PTPRT: variants seen among roughly 807,000 people sequenced by gnomAD.
PTPRT encodes receptor-type tyrosine-protein phosphatase T.
In PTPRT, 56 loss-of-function variants were observed where a neutral mutation model predicts 176.8. The observed-to-expected ratio is 0.32, with a 90% CI of 0.26 to 0.40. PTPRT has a LOEUF of 0.40. Ranked by LOEUF, PTPRT falls within the 10% of genes least tolerant of loss-of-function variation. The pLI is 1.00. For synonymous variants in PTPRT, 783 were observed against 739.0 expected, an observed-to-expected ratio of 1.06 and a Z score of -0.96; for missense variants, 1,540 against 1,908.2, an observed-to-expected ratio of 0.81 and a Z score of 3.60.
chr20:43,180,113 G>T (rs867502985), intron 1 of PTPRT, among the ~76,000 whole-genome samples: 1 of 152,160 alleles, frequency 6.6e-6, no homozygotes, highest in Non-Finnish European at 1.5e-5. Context: ...AGAGAAGGGC[G>T]ATTCTGCTCT....
intron 1 of PTPRT, among the ~76,000 whole-genome samples, chr20:43,023,124 G>C (rs1275489317): frequency 1.3e-5 from 2 of 152,196 alleles, no homozygotes; most frequent in Admixed American, 1.3e-4. Flanking sequence ...CCAGAAGTAT[G>C]AATCTGTGCT....
At chr20:42,981,477 T>C (rs182155663) in intron 1 of PTPRT, among the ~76,000 whole-genome samples, 92 of 152,348 alleles carry the variant, frequency 6.0e-4, no homozygotes, top group African/African-American at 2.1e-3. Context: ...ACAAACATGC[T>C]GCAAGCAGAG....
chr20:42,989,194 A>T (rs1983758616), intron 1 of PTPRT, among the ~76,000 whole-genome samples: 1 of 152,142 alleles, frequency 6.6e-6, no homozygotes, highest in African/African-American at 2.4e-5. Context: ...CTGGGTTTGA[A>T]CTCTCAACTC....
chr20:43,171,722 T>C (rs186325344), intron 1 of PTPRT, among the ~76,000 whole-genome samples: 8 of 152,328 alleles, frequency 5.3e-5, no homozygotes, highest in African/African-American at 1.9e-4. Flanking sequence ...TTTTATTCAG[T>C]GGATCTGCTA....
intron 6 of PTPRT, chr20:42,687,572 T>A (rs1023049965): frequency 3.9e-5 from 6 of 152,304 alleles, no homozygotes; most frequent in Middle Eastern, 6.8e-3. Flanking sequence ...TCAGAAAGCA[T>A]GAATCAAGAG....
At chr20:42,340,591 A>C (rs1264150606) in intron 11 of PTPRT, among the ~76,000 whole-genome samples, 1 of 152,198 alleles carries the variant, frequency 6.6e-6, no homozygotes, top group African/African-American at 2.4e-5. Flanking sequence ...CATCGTGCAG[A>C]ATGCTTTTTG....
At chr20:42,114,285 T>C (rs1168158203) in intron 22 of PTPRT, among the ~76,000 whole-genome samples, 2 of 152,154 alleles carry the variant, frequency 1.3e-5, no homozygotes, top group African/African-American at 4.8e-5. Context: ...TCTTCATATG[T>C]AAAATGGGGA....
chr20:42,715,497 A>T (rs1055259955), intron 6 of PTPRT, among the ~76,000 whole-genome samples: 1 of 152,184 alleles, frequency 6.6e-6, no homozygotes, highest in African/African-American at 2.4e-5. Flanking sequence ...ATGACTAAAA[A>T]CTACCATATC....
intron 7 of PTPRT, among the ~76,000 whole-genome samples, chr20:42,636,518 G>C (rs2074604206): frequency 6.6e-6 from 1 of 152,058 alleles, no homozygotes; most frequent in Admixed American, 6.6e-5. Context: ...AGATGCAGTG[G>C]CTCACACCTG....
intron 9 of PTPRT, among the ~76,000 whole-genome samples, chr20:42,424,208 T>A (rs903491253): frequency 4.6e-5 from 7 of 152,198 alleles, no homozygotes; most frequent in Admixed American, 1.3e-4. Flanking sequence ...ACACTCAAGT[T>A]TTCCAAACCT....
At chr20:42,786,956 G>A (rs2077299899) in intron 3 of PTPRT, among the ~76,000 whole-genome samples, 1 of 152,142 alleles carries the variant, frequency 6.6e-6, no homozygotes, top group Non-Finnish European at 1.5e-5. Context: ...TTCAGCTATG[G>A]CCTGGAAGCC....
intron 1 of PTPRT, among the ~76,000 whole-genome samples, chr20:43,004,646 T>C (rs1392971388): frequency 6.6e-6 from 1 of 152,024 alleles, no homozygotes; most frequent in Non-Finnish European, 1.5e-5. Flanking sequence ...AATAGACAAA[T>C]AGGTATGAAG....
intron 6 of PTPRT, among the ~76,000 whole-genome samples, chr20:42,722,168 CT>C (rs2076314249): frequency 6.6e-6 from 1 of 152,112 alleles, no homozygotes; most frequent in Admixed American, 6.5e-5. Context: ...TATGAGTCAC[CT>C]GATGAACTTG....
At chr20:42,406,730 T>C (rs1271681713) in intron 9 of PTPRT, among the ~76,000 whole-genome samples, 1 of 152,040 alleles carries the variant, frequency 6.6e-6, no homozygotes, top group Non-Finnish European at 1.5e-5. Context: ...TAAATACAGA[T>C]GGAAAATGTT....
At chr20:42,409,449 T>C (rs2058991622) in intron 9 of PTPRT, among the ~76,000 whole-genome samples, 1 of 123,210 alleles carries the variant, frequency 8.1e-6, no homozygotes, top group Non-Finnish European at 1.6e-5. Flanking sequence ...GCCACTGTAC[T>C]CCAGCCTGGG....
intron 6 of PTPRT, among the ~76,000 whole-genome samples, chr20:42,741,397 T>G (rs1221917770): frequency 6.6e-6 from 1 of 152,144 alleles, no homozygotes; most frequent in Non-Finnish European, 1.5e-5. Context: ...CAGACTGGAG[T>G]GCAGTGGCGC....
chr20:42,509,908 CAT>C (rs1445287373), intron 7 of PTPRT, among the ~76,000 whole-genome samples: 1 of 152,076 alleles, frequency 6.6e-6, no homozygotes. Context: ...GACCTCTGAT[CAT>C]ATAGATAGGA....
chr20:42,838,056 C>T (rs532647009), intron 2 of PTPRT, among the ~76,000 whole-genome samples: 31 of 152,242 alleles, frequency 2.0e-4, no homozygotes, highest in African/African-American at 6.0e-4. Flanking sequence ...GACGGAGTTT[C>T]GCTCTTGTTG....
At chr20:42,174,899 A>C (rs1408817912) in intron 16 of PTPRT, among the ~76,000 whole-genome samples, 1 of 152,210 alleles carries the variant, frequency 6.6e-6, no homozygotes, top group Non-Finnish European at 1.5e-5. Flanking sequence ...TCAAGCACTG[A>C]TTTATAATTG....
Sources: gnomAD v4.1 joint callset for allele counts (sites outside exome capture counted in the v4.1 genomes callset) on GRCh38, gnomAD v4.1.1 for gene constraint, MANE v1.5 for transcripts, NCBI Gene and HGNC (gene_info 2026-07-23, HGNC 2026-07-21) for gene names.